The following TTC28 variants were observed in gnomAD, a reference collection of about 807,000 sequenced individuals.
TTC28 encodes tetratricopeptide repeat domain 28, also known as tetratricopeptide repeat protein 28.
In TTC28, 61 loss-of-function variants were observed where a neutral mutation model predicts 198.0. The observed-to-expected ratio is 0.31, with a 90% CI of 0.25 to 0.38. TTC28 has a LOEUF of 0.38. Ranked by LOEUF, TTC28 falls within the 10% of genes least tolerant of loss-of-function variation. The pLI is 1.00. For missense variants in TTC28, 2,678 were observed against 3,164.0 expected, an observed-to-expected ratio of 0.85 and a Z score of 3.69; for synonymous variants, 1,171 against 1,297.8, an observed-to-expected ratio of 0.90 and a Z score of 2.10.
At chr22:28,350,169 A>G (rs1051064185) in intron 2 of TTC28, among the ~76,000 whole-genome samples, 1 of 152,212 alleles carries the variant, frequency 6.6e-6, no homozygotes, top group Non-Finnish European at 1.5e-5. Context: ...GGAAGGCTAT[A>G]AGAGCAGTAC....
At chr22:28,639,882 G>A (rs1404983230) in intron 1 of TTC28, among the ~76,000 whole-genome samples, 4 of 152,178 alleles carry the variant, frequency 2.6e-5, no homozygotes, top group Non-Finnish European at 5.9e-5. Context: ...AAATGACCAT[G>A]TAACAAAGAA....
chr22:28,492,902 G>GT (rs2048398355), intron 2 of TTC28, among the ~76,000 whole-genome samples: 1 of 152,042 alleles, frequency 6.6e-6, no homozygotes, highest in African/African-American at 2.4e-5. Flanking sequence ...ATTCCAAAAA[G>GT]TAAGACAGTT....
At chr22:28,217,395 C>G (rs1161737005) in intron 5 of TTC28, among the ~76,000 whole-genome samples, 1 of 152,164 alleles carries the variant, frequency 6.6e-6, no homozygotes, top group Non-Finnish European at 1.5e-5. Context: ...TACATCAGTT[C>G]AGCCAAGTCA....
intron 12 of TTC28, among the ~76,000 whole-genome samples, chr22:28,055,289 C>T (rs1346431606): frequency 6.6e-6 from 1 of 152,180 alleles, no homozygotes; most frequent in African/African-American, 2.4e-5. Context: ...CTCAAAGCTA[C>T]ACTCTGAGTC....
At chr22:28,396,098 T>C (rs1240514325) in intron 2 of TTC28, among the ~76,000 whole-genome samples, 1 of 152,226 alleles carries the variant, frequency 6.6e-6, no homozygotes, top group Non-Finnish European at 1.5e-5. Flanking sequence ...GGAAAGATAC[T>C]ACTTAAAATA....
intron 2 of TTC28, among the ~76,000 whole-genome samples, chr22:28,459,706 C>G (rs772918302): frequency 6.6e-6 from 1 of 152,140 alleles, no homozygotes; most frequent in East Asian, 1.9e-4. Context: ...GAGTCCTTAC[C>G]CAAGTTTTTT....
chr22:28,093,302 T>C (rs1941866982), intron 12 of TTC28, among the ~76,000 whole-genome samples: 1 of 152,224 alleles, frequency 6.6e-6, no homozygotes, highest in Non-Finnish European at 1.5e-5. Flanking sequence ...ATTTTCATGA[T>C]TACAAATGAA....
intron 5 of TTC28, among the ~76,000 whole-genome samples, chr22:28,289,259 G>A (rs2044742761): frequency 6.6e-6 from 1 of 152,082 alleles, no homozygotes; most frequent in African/African-American, 2.4e-5. Context: ...GAGGCAGGTG[G>A]GTAGAGAGTA....
At chr22:28,481,780 C>T (rs1317863519) in intron 2 of TTC28, among the ~76,000 whole-genome samples, 2 of 152,150 alleles carry the variant, frequency 1.3e-5, no homozygotes, top group Admixed American at 6.5e-5. Flanking sequence ...TGTCACTCAA[C>T]AGCAATACTT....
At chr22:28,193,124 G>A (rs1569189607) in intron 5 of TTC28, among the ~76,000 whole-genome samples, 1 of 152,118 alleles carries the variant, frequency 6.6e-6, no homozygotes. Context: ...AAAAGAGTGG[G>A]GGCCAATATT....
At chr22:28,350,508 G>A (rs1178508848) in intron 2 of TTC28, among the ~76,000 whole-genome samples, 1 of 152,062 alleles carries the variant, frequency 6.6e-6, no homozygotes, top group Non-Finnish European at 1.5e-5. Context: ...TATTTTTTGA[G>A]GTCTAGTTTA....
At chr22:28,612,037 G>A (rs921712619) in intron 2 of TTC28, among the ~76,000 whole-genome samples, 2 of 152,000 alleles carry the variant, frequency 1.3e-5, no homozygotes, top group African/African-American at 2.4e-5. Context: ...TTGACAAATG[G>A]GATAAAGAGT....
At chr22:28,387,606 A>AT (rs2046631848) in intron 2 of TTC28, among the ~76,000 whole-genome samples, 2 of 151,998 alleles carry the variant, frequency 1.3e-5, no homozygotes, top group Non-Finnish European at 2.9e-5. Flanking sequence ...GATGGTGAGC[A>AT]TTTTCTCATG....
At chr22:28,485,796 C>G (rs1454330887) in intron 2 of TTC28, among the ~76,000 whole-genome samples, 1 of 152,074 alleles carries the variant, frequency 6.6e-6, no homozygotes, top group South Asian at 2.1e-4. Context: ...TAACAAACTA[C>G]TCAAGCCATT....
In TTC28 at chr22:28,014,148, G is replaced by A. The variant is rs933953396; in HGVS notation, c.4218+100C>T. On this transcript the variant is annotated intron_variant, in intron 14 of 22. Coordinates refer to ENST00000397906, the MANE Select transcript of TTC28 (RefSeq NM_001145418.2). ...GTTCTGGAAAGCCTCCGGTTGTCTCGGGAGCCCATTTTGGTGTCTAAGAGG... is the reference window on the plus strand; with the variant it reads ...GTTCTGGAAAGCCTCCGGTTGTCTCAGGAGCCCATTTTGGTGTCTAAGAGG... The A allele has an allele frequency of 1.8e-5, 25 of 1,387,022 alleles. 2 individuals carry two copies. The South Asian group carries it at 2.8e-4, about 15-fold the overall frequency. 85.9% of individuals were successfully genotyped at this position (1,387,022 alleles called of 1,614,324 possible). A position where few individuals can be genotyped will look rare whatever the true frequency, so the allele number is the denominator to read the frequency against.
At chr22:28,606,492 T>C (rs952017177) in intron 2 of TTC28, among the ~76,000 whole-genome samples, 2 of 152,154 alleles carry the variant, frequency 1.3e-5, no homozygotes, top group African/African-American at 4.8e-5. Flanking sequence ...TACAGATATA[T>C]TGTAAAAGGT....
At chr22:28,523,570 C>T (rs2048949337) in intron 2 of TTC28, among the ~76,000 whole-genome samples, 1 of 152,142 alleles carries the variant, frequency 6.6e-6, no homozygotes, top group African/African-American at 2.4e-5. Flanking sequence ...TATCTGAGAG[C>T]GTTCCATGTG....
At chr22:28,047,279 A>T (rs1055328789) in intron 12 of TTC28, among the ~76,000 whole-genome samples, 4 of 152,190 alleles carry the variant, frequency 2.6e-5, no homozygotes, top group African/African-American at 4.8e-5. Context: ...TCACTGTCCC[A>T]TCCTGCTTCT....
chr22:28,339,896 T>A (rs2045801277), intron 2 of TTC28, among the ~76,000 whole-genome samples: 1 of 152,066 alleles, frequency 6.6e-6, no homozygotes, highest in South Asian at 2.1e-4. Context: ...GCACCCACTG[T>A]CCTGCACCCA....
Sources: gnomAD v4.1 joint callset for allele counts (sites outside exome capture counted in the v4.1 genomes callset) on GRCh38, gnomAD v4.1.1 for gene constraint, MANE v1.5 for transcripts, NCBI Gene and HGNC (gene_info 2026-07-23, HGNC 2026-07-21) for gene names.